NUP98: variants seen among roughly 807,000 people sequenced by gnomAD.
The protein encoded by NUP98 is nuclear pore complex protein Nup98-Nup96.
A neutral mutation model predicts 191.9 loss-of-function variants in NUP98; 26 were observed. The ratio of observed to expected loss-of-function variants is 0.14; its 90% confidence interval spans 0.10 to 0.19. The LOEUF (loss-of-function observed/expected upper bound fraction) is 0.19, where lower values mean the gene tolerates loss of function less well. Ranked by LOEUF, NUP98 falls within the 10% of genes least tolerant of loss-of-function variation. The probability of loss-of-function intolerance (pLI) is 1.00; values close to 1 mark genes in which losing one functional copy is unlikely to be tolerated. For synonymous variants in NUP98, 808 were observed against 778.4 expected, an observed-to-expected ratio of 1.04 and a Z score of -0.63; for missense variants, 1,941 against 2,178.8, an observed-to-expected ratio of 0.89 and a Z score of 2.17.
In NUP98 at chr11:3,778,982, A is replaced by G. The variant is rs778455180; in HGVS notation, c.246T>C (p.Gly82=). 1 of 1,614,254 alleles carries G rather than the reference A, an allele frequency of 6.2e-7. No homozygotes were observed. The highest frequency in any genetic ancestry group is 2.2e-5 in the East Asian group (1 of 44,890). ...AGGTATTTGCTGTTCCTGTTGACGT[A>G]CCAAACCCAAAGCCAGTGCTTGTGG... The part of the protein sequence containing the change: ...ATSTSTGFGF[G]TSTGTANTLF... Residue 82 remains glycine (G), a synonymous_variant, in exon 4 of 33, where the codon GGT becomes GGC. Transcript: ENST00000324932.
intron 12 of NUP98, among the ~76,000 whole-genome samples, chr11:3,737,989 A>T (rs1466776033): frequency 6.7e-6 from 1 of 149,182 alleles, no homozygotes; most frequent in East Asian, 2.0e-4. Flanking sequence ...CTCACTGGTC[A>T]TTTTGTTACT....
At chr11:3,727,072 T>C (rs1184706457) in intron 14 of NUP98, among the ~76,000 whole-genome samples, 2 of 152,170 alleles carry the variant, frequency 1.3e-5, no homozygotes, top group Non-Finnish European at 2.9e-5. Context: ...TAGAAATTAT[T>C]ACCTTATACA....
At chr11:3,729,296 C>G (rs1380805821) in intron 14 of NUP98, among the ~76,000 whole-genome samples, 1 of 151,882 alleles carries the variant, frequency 6.6e-6, no homozygotes, top group Non-Finnish European at 1.5e-5. Flanking sequence ...GTAAAGGGGA[C>G]TGAGAAGCAG....
chr11:3,727,651 C>T (rs2079672281), intron 14 of NUP98, among the ~76,000 whole-genome samples: 1 of 152,016 alleles, frequency 6.6e-6, no homozygotes, highest in Non-Finnish European at 1.5e-5. Context: ...TGCTTGAGCC[C>T]AGGAGTTCAA....
At chr11:3,738,227 A>G in intron 12 of NUP98, among the ~76,000 whole-genome samples, 1 of 152,162 alleles carries the variant, frequency 6.6e-6, no homozygotes, top group Non-Finnish European at 1.5e-5. Flanking sequence ...GTAAGAGAGT[A>G]TCTTGATAGA....
At chr11:3,796,868 T>G (rs1003873283) in intron 1 of NUP98, among the ~76,000 whole-genome samples, 1 of 152,136 alleles carries the variant, frequency 6.6e-6, no homozygotes, top group East Asian at 1.9e-4. Context: ...ACTGAACACG[T>G]GGGAAAATAG....
chr11:3,795,764 G>A (rs1201771263), intron 1 of NUP98, among the ~76,000 whole-genome samples: 2 of 152,194 alleles, frequency 1.3e-5, no homozygotes, highest in Non-Finnish European at 2.9e-5. Flanking sequence ...AGAATGCCAA[G>A]AAAAGCTTCC....
At chr11:3,773,094 C>G (rs1041605134) in intron 6 of NUP98, among the ~76,000 whole-genome samples, 1 of 152,116 alleles carries the variant, frequency 6.6e-6, no homozygotes, top group African/African-American at 2.4e-5. Flanking sequence ...GTAACAGAAG[C>G]AACATCCAAT....
chr11:3,725,071 C>T, intron 15 of NUP98, 32 bp downstream of exon 15: 2 of 974,600 alleles, frequency 2.1e-6, no homozygotes, highest in Non-Finnish European at 3.3e-6. Context: ...TAACTCTCTA[C>T]TAAGAAGAAC....
intron 12 of NUP98, among the ~76,000 whole-genome samples, chr11:3,736,420 T>A (rs1589839654): frequency 6.6e-6 from 1 of 151,578 alleles, no homozygotes; most frequent in Non-Finnish European, 1.5e-5. Context: ...CACTGGGAGG[T>A]CGTGGCGAGC....
Position 3,725,216 on chromosome 11 carries a change from C to A in NUP98, c.1734G>T (p.Lys578Asn). 1 of 1,433,856 alleles carries A rather than the reference C, an allele frequency of 7.0e-7. No homozygotes were observed. Among genetic ancestry groups the A allele is most frequent in the South Asian group, 1.2e-5 (1 of 86,186 alleles). The allele number at this position is 1,433,856 out of a possible 1,614,324, so 88.8% of individuals were successfully genotyped here. The change falls in exon 15 of 33, where the codon AAG becomes AAT. Residue 578 changes from lysine (K) to asparagine (N), a missense_variant. Transcript: ENST00000324932. ...TCTTCAAAACCAACTTCTTAATGCT[C>A]TTCCTATAAACAAGAAACCAAAAGA... ...SLANGAFMPK[K>N]SIKKLVLKNL...
intron 14 of NUP98, among the ~76,000 whole-genome samples, chr11:3,727,444 T>C (rs944900598): frequency 2.6e-5 from 4 of 152,106 alleles, no homozygotes; most frequent in African/African-American, 7.2e-5. Context: ...CTGAGGCATG[T>C]GGAAAGGACT....
At chr11:3,705,881 G>A (rs2078843671) in intron 21 of NUP98, among the ~76,000 whole-genome samples, 1 of 151,832 alleles carries the variant, frequency 6.6e-6, no homozygotes, top group Non-Finnish European at 1.5e-5. Flanking sequence ...CGGGCTCAGT[G>A]GCTCATGCCT....
rs187216609 is a variant in NUP98, at chr11:3,739,409, C to A, written c.1409-4085G>T. ...GATTACAGGTGCCTGCCGCCACGCC[C>A]GGCTAATTTTTGTATTTTTAGTAGA... On this transcript the variant is annotated intron_variant, in intron 12 of 32. Transcript: ENST00000324932. 1.7e-3 allele frequency among the ~76,000 whole-genome samples: 266 copies of A among 152,132 alleles called. 1 individual carries two copies. Among genetic ancestry groups the A allele is most frequent in the African/African-American group, 6.1e-3 (254 of 41,498 alleles).
intron 8 of NUP98, among the ~76,000 whole-genome samples, chr11:3,764,100 C>T (rs960456777): frequency 8.5e-5 from 13 of 152,238 alleles, no homozygotes; most frequent in African/African-American, 3.1e-4. Context: ...CCAAAGAAAT[C>T]CCAGACCCAT....
intron 2 of NUP98, among the ~76,000 whole-genome samples, chr11:3,779,672 T>C (rs976613646): frequency 1.3e-5 from 2 of 151,764 alleles, no homozygotes; most frequent in African/African-American, 2.4e-5. Flanking sequence ...GCATTTGAAC[T>C]ACTAGTCTAA....
In NUP98 at chr11:3,744,586, C is replaced by A; in HGVS notation, c.1331G>T (p.Gly444Val). ...TCCAGGGGCCCCAAAGGCTCCTGTA[C>A]CAAGAGGCCCTCCAATCTTAGGTTG... ...NNQPKIGGPL[G>V]TGAFGAPGFN... The change falls in exon 12 of 33, where the codon GGT (glycine) becomes GTT (valine). Residue 444 changes from glycine to valine, a missense_variant. This residue lies in a region of NUP98 where 453 missense variants were observed against 438.2 expected (regional missense o/e 1.03). Coordinates refer to ENST00000324932, the MANE Select transcript of NUP98 (RefSeq NM_016320.5). 1.2e-5 allele frequency: 20 copies of A among 1,613,680 alleles called. No homozygotes were observed. The highest frequency in any genetic ancestry group is 1.5e-5 in the Non-Finnish European group (18 of 1,179,682).
intron 1 of NUP98, among the ~76,000 whole-genome samples, chr11:3,785,408 A>T (rs960848226): frequency 6.6e-6 from 1 of 152,158 alleles, no homozygotes; most frequent in Non-Finnish European, 1.5e-5. Flanking sequence ...GTGGGTTTTC[A>T]GTTTGTGACT....
chr11:3,771,854 G>T lies in NUP98; in HGVS notation c.678C>A (p.Gly226=). 1.2e-6 allele frequency: 2 copies of T among 1,614,140 alleles called. No homozygotes were observed. Among genetic ancestry groups the T allele is most frequent in the East Asian group, 4.5e-5 (2 of 44,882 alleles). Residue 226 remains glycine, a synonymous_variant, in exon 7 of 33, where the codon GGC becomes GGA. Transcript: ENST00000324932. The part of the protein sequence containing the change: ...QNQVGAGTTT[G]LFGSSPATSS... ...AAGTGGCTGGAGAAGACCCAAACAA[G>T]CCAGTTGTGGTACCTGCTCCCACCT... is the stretch of plus-strand genomic sequence containing the variant.
Sources: allele counts gnomAD v4.1 joint callset (sites outside exome capture counted in the v4.1 genomes callset), GRCh38; gene constraint gnomAD v4.1.1; regional missense constraint gnomAD v4.1.1; transcripts MANE v1.5; gene names NCBI Gene and HGNC (gene_info 2026-07-23, HGNC 2026-07-21).